RGS3: variants seen among roughly 807,000 people sequenced by gnomAD.
RGS3 encodes regulator of G-protein signalling 3.
A neutral mutation model predicts 132.6 loss-of-function variants in RGS3; 80 were observed. That is an observed-to-expected ratio of 0.60 (90% CI 0.50 to 0.73). The LOEUF (loss-of-function observed/expected upper bound fraction) is 0.73. Among genes scored for constraint, RGS3 ranks in the 30% least tolerant of loss-of-function variants. The pLI is 0.00. For synonymous variants in RGS3, 598 were observed against 620.6 expected (o/e 0.96, Z 0.54); for missense variants, 1,382 against 1,530.8 (o/e 0.90, Z 1.62).
intron 19 of RGS3, among the ~76,000 whole-genome samples, chr9:113,571,322 T>A (rs1326098323): frequency 6.6e-6 from 1 of 152,236 alleles, no homozygotes; most frequent in African/African-American, 2.4e-5. Context: ...GTAAATACCA[T>A]GATATTATTT....
chr9:113,515,624 C>T (rs1018018767), intron 15 of RGS3, among the ~76,000 whole-genome samples: 4 of 151,762 alleles, frequency 2.6e-5, no homozygotes, highest in African/African-American at 9.7e-5. Context: ...GAGTGAGACT[C>T]TGTCTCAAAA....
intron 16 of RGS3, among the ~76,000 whole-genome samples, chr9:113,520,687 GTTTGC>G: frequency 6.6e-6 from 1 of 152,094 alleles, no homozygotes; most frequent in Non-Finnish European, 1.5e-5. Flanking sequence ...GACCCTGAGG[GTTTGC>G]TTTGTGTTTC....
chr9:113,519,326 G>A (rs551290613), intron 16 of RGS3, among the ~76,000 whole-genome samples: 5 of 152,172 alleles, frequency 3.3e-5, no homozygotes, highest in East Asian at 1.9e-4. Context: ...GTTGCAATTC[G>A]TCCAGAAAAC....
At chr9:113,472,425 A>G (rs1359084916) in intron 3 of RGS3, among the ~76,000 whole-genome samples, 2 of 152,252 alleles carry the variant, frequency 1.3e-5, no homozygotes, top group East Asian at 3.8e-4. Context: ...CATACAATGG[A>G]ATATTATTTG....
Position 113,485,704 on chromosome 9 carries a change from C to A in RGS3, c.689+11C>A. 2.5e-6 allele frequency: 4 copies of A among 1,576,904 alleles called. No homozygotes were observed. The South Asian group carries it at 4.7e-5, about 18-fold the overall frequency. On this transcript the variant is annotated intron_variant, in intron 7 of 24. Transcript: ENST00000350696. ...GGCCAGCCAGTCCAGGTGAGGAGAG[C>A]TGCTGAGCTGGAGGGGGACTCTGCT...
At chr9:113,464,003 T>A in intron 3 of RGS3, 122 bp downstream of exon 1, 1 of 985,786 alleles carries the variant, frequency 1.0e-6, no homozygotes, top group Non-Finnish European at 1.5e-6. Context: ...TAGGGGCACC[T>A]TCTCTGGCCC....
chr9:113,521,087 G>T (rs7867353), intron 16 of RGS3, among the ~76,000 whole-genome samples: 17,989 of 152,174 alleles, frequency 0.12, 1,266 homozygotes, highest in African/African-American at 0.19. Context: ...GAGCAGAAAG[G>T]AAGCGTTCAA....
exon 3 of RGS3, chr9:113,462,071 C>G: frequency 6.2e-7 from 1 of 1,614,096 alleles, no homozygotes; most frequent in Non-Finnish European, 8.5e-7. Context: ...GTGGCTTGAG[C>G]CTGAGCTTGC....
rs1835638926 is a variant in RGS3, at chr9:113,594,435, AG to A, written c.3088del (p.Asp1030ThrfsTer2). Reference sequence around the variant, plus strand: ...TTTTCTGCTTCTGTCCCCAGAGCCAAGGACATGAAGAACAAGCTGGGGATCT... The same window carrying A: ...TTTTCTGCTTCTGTCCCCAGAGCCAAGACATGAAGAACAAGCTGGGGATCT... On this transcript the variant is annotated frameshift_variant, in exon 22 of 25. Transcript: ENST00000350696. LOFTEE classifies it high-confidence loss of function. 1 of 1,613,556 alleles carries A rather than the reference AG, an allele frequency of 6.2e-7. No homozygotes were observed. Among genetic ancestry groups the A allele is most frequent in the South Asian group, 1.1e-5 (1 of 91,080 alleles).
intron 1 of RGS3, among the ~76,000 whole-genome samples, chr9:113,452,044 G>C (rs929967686): frequency 6.6e-6 from 1 of 151,930 alleles, no homozygotes; most frequent in African/African-American, 2.4e-5. Flanking sequence ...TGTTGCCCAG[G>C]CTGGAGTCCA....
chr9:113,563,920 A>G (rs1833891433), intron 19 of RGS3, among the ~76,000 whole-genome samples: 1 of 152,058 alleles, frequency 6.6e-6, no homozygotes, highest in Non-Finnish European at 1.5e-5. Context: ...GCTTCAGCCT[A>G]GGTGGCCAAG....
intron 21 of RGS3, chr9:113,593,661 G>T: frequency 2.1e-6 from 1 of 484,638 alleles, no homozygotes; most frequent in South Asian, 2.9e-5. Flanking sequence ...CATTCTCTGG[G>T]AGGTGCCCTG....
intron 19 of RGS3, among the ~76,000 whole-genome samples, chr9:113,569,006 C>A (rs1834133799): frequency 6.6e-6 from 1 of 152,216 alleles, no homozygotes; most frequent in South Asian, 2.1e-4. Flanking sequence ...GGGCCTAAGT[C>A]ATCACTCGAG....
At chr9:113,526,722 C>G (rs914820032) in intron 17 of RGS3, among the ~76,000 whole-genome samples, 3 of 152,188 alleles carry the variant, frequency 2.0e-5, no homozygotes, top group African/African-American at 7.2e-5. Context: ...TGGGGCCCAC[C>G]CAGCCCGTGA....
At chr9:113,538,305 C>A (rs936835803) in intron 19 of RGS3, among the ~76,000 whole-genome samples, 2 of 152,198 alleles carry the variant, frequency 1.3e-5, no homozygotes, top group South Asian at 4.1e-4. Context: ...TGAGCAGAGA[C>A]CTGTCCCCAT....
chr9:113,469,140 G>A (rs1405262783), intron 3 of RGS3, among the ~76,000 whole-genome samples: 1 of 149,670 alleles, frequency 6.7e-6, no homozygotes, highest in Non-Finnish European at 1.5e-5. Context: ...TTTAGAAGCC[G>A]TGGAGATAAA....
At chr9:113,501,738 TGCTC>T in intron 10 of RGS3, 1 of 1,180,324 alleles carries the variant, frequency 8.5e-7, no homozygotes, top group Non-Finnish European at 1.2e-6. Flanking sequence ...TGACCTTTCC[TGCTC>T]CCTGCAGGCT....
chr9:113,465,325 G>A (rs1283134952), intron 3 of RGS3, among the ~76,000 whole-genome samples: 1 of 152,120 alleles, frequency 6.6e-6, no homozygotes, highest in Non-Finnish European at 1.5e-5. Context: ...TGTGTTTACT[G>A]CTGAAAACTT....
At chr9:113,529,358 C>T in intron 18 of RGS3, 94 bp downstream of exon 16, 1 of 1,085,220 alleles carries the variant, frequency 9.2e-7, no homozygotes, top group East Asian at 2.4e-5. Flanking sequence ...GTTCTGATGC[C>T]AGCCTCCATA....
Sources: gnomAD v4.1 joint callset for allele counts (sites outside exome capture counted in the v4.1 genomes callset) on GRCh38, gnomAD v4.1.1 for gene constraint, MANE v1.5 for transcripts, NCBI Gene and HGNC (gene_info 2026-07-23, HGNC 2026-07-21) for gene names.